PTGES3L: variants seen among roughly 807,000 people sequenced by gnomAD.
PTGES3L encodes the protein prostaglandin E synthase 3 like.
In PTGES3L, 17 loss-of-function variants were observed where a neutral mutation model predicts 25.0. That is an observed-to-expected ratio of 0.68 (90% confidence interval 0.47 to 1.02). The LOEUF (loss-of-function observed/expected upper bound fraction) is 1.02, where lower values mean the gene tolerates loss of function less well. PTGES3L is among the 50% of genes least tolerant of loss of function. The pLI, the probability that PTGES3L is intolerant of heterozygous loss-of-function variation, is 0.00. For synonymous variants in PTGES3L, 59 were observed against 65.7 expected, an observed-to-expected ratio of 0.90 and a Z score of 0.50; for missense variants, 202 against 197.5, an observed-to-expected ratio of 1.02 and a Z score of -0.14.
At chr17:42,973,213 C>A (rs1474648552) in intron 4 of PTGES3L, among the ~76,000 whole-genome samples, 2 of 146,972 alleles carry the variant, frequency 1.4e-5, no homozygotes, top group African/African-American at 2.5e-5. Flanking sequence ...GCCCCCCGCC[C>A]GGCCAGCCGC....
At chr17:42,976,482 G>A (rs1380118913) in intron 4 of PTGES3L, among the ~76,000 whole-genome samples, 4 of 151,726 alleles carry the variant, frequency 2.6e-5, no homozygotes, top group Admixed American at 2.6e-4. Context: ...AGGTTCAAGC[G>A]ATTATTCTGC....
intron 4 of PTGES3L, chr17:42,971,960 C>T (rs1352777891): frequency 6.0e-5 from 22 of 369,586 alleles, no homozygotes; most frequent in Admixed American, 2.1e-4. Flanking sequence ...AAGGCCGAGG[C>T]AGGAGGATCA....
chr17:42,974,729 C>T (rs1018948521), intron 4 of PTGES3L, among the ~76,000 whole-genome samples: 11 of 148,232 alleles, frequency 7.4e-5, no homozygotes, highest in African/African-American at 2.5e-4. Flanking sequence ...GTCGAGATCA[C>T]GCCACTGTAC....
At chr17:42,979,472 G>A (rs1172131504) in intron 2 of PTGES3L, 28 bp from the exon 3 acceptor site, 2 of 1,614,180 alleles carry the variant, frequency 1.2e-6, no homozygotes, top group Non-Finnish European at 1.7e-6. Context: ...CTGAGGAGAT[G>A]CGGAATACTC....
At chr17:42,974,584 C>A (rs2049920204) in intron 4 of PTGES3L, among the ~76,000 whole-genome samples, 1 of 151,562 alleles carries the variant, frequency 6.6e-6, no homozygotes, top group African/African-American at 2.4e-5. Context: ...ACCAGCCTGG[C>A]CAACATGGTG....
At chr17:42,972,470 TTGCAGGCACGCA>T (rs566380319) in intron 4 of PTGES3L, among the ~76,000 whole-genome samples, 136 of 151,970 alleles carry the variant, frequency 8.9e-4, no homozygotes, top group Non-Finnish European at 1.4e-3. Flanking sequence ...GTGCCTGCGA[TTGCAGGCACGCA>T]CCGCCACGCC....
chr17:42,969,200 G>GGA lies in PTGES3L; in HGVS notation c.433-16_433-15dup, dbSNP rs769001052. On this transcript the variant is annotated splice_polypyrimidine_tract_variant and intron_variant, in intron 6 of 6. Transcript: ENST00000591916. Reference sequence around the variant, plus strand: ...GTCAGAATCATCCTGGGGGCGGGGGGGAAAAAAGACAAAGCACCTGTAGAC... The same window carrying GGA: ...GTCAGAATCATCCTGGGGGCGGGGGGGAGAAAAAAGACAAAGCACCTGTAGAC... 260,503 of 1,389,888 alleles carry GGA rather than the reference G, an allele frequency of 0.19. 28,945 individuals are homozygous for GGA. The highest frequency in any genetic ancestry group is 0.28 in the Admixed American group (13,564 of 48,666). The allele number at this position is 1,389,888 out of a possible 1,614,324, so 86.1% of individuals were successfully genotyped here.
intron 4 of PTGES3L, among the ~76,000 whole-genome samples, chr17:42,975,902 C>A (rs1291138640): frequency 1.3e-5 from 2 of 152,056 alleles, no homozygotes; most frequent in Non-Finnish European, 2.9e-5. Flanking sequence ...GTCTCAAATT[C>A]CCCACCTTGT....
chr17:42,974,253 G>A (rs1233495454), intron 4 of PTGES3L, among the ~76,000 whole-genome samples: 3 of 151,486 alleles, frequency 2.0e-5, no homozygotes, highest in African/African-American at 7.3e-5. Context: ...CCAGCTACTT[G>A]GGAGGCTGAG....
intron 1 of PTGES3L, 151 bp from the exon 2 acceptor site, chr17:42,979,814 G>C: frequency 1.4e-6 from 2 of 1,413,422 alleles, no homozygotes; most frequent in Non-Finnish European, 1.9e-6. Flanking sequence ...GGAATGACAG[G>C]AGTGGGTGGG....
At chr17:42,973,717 C>T (rs1220889525) in intron 4 of PTGES3L, among the ~76,000 whole-genome samples, 3 of 149,160 alleles carry the variant, frequency 2.0e-5, no homozygotes, top group Non-Finnish European at 4.5e-5. Flanking sequence ...CTCTCTGAAA[C>T]ATGTGCTGTG....
At chr17:42,973,407 C>A (rs867039664) in intron 4 of PTGES3L, among the ~76,000 whole-genome samples, 6 of 132,828 alleles carry the variant, frequency 4.5e-5, no homozygotes, top group Non-Finnish European at 9.9e-5. Context: ...CCGCCCCGTC[C>A]GGGAGGTGAG....
chr17:42,969,952 C>T (rs1567721912), intron 6 of PTGES3L, among the ~76,000 whole-genome samples: 1 of 151,848 alleles, frequency 6.6e-6, no homozygotes, highest in Non-Finnish European at 1.5e-5. Flanking sequence ...CATGGCAAAA[C>T]CCTGTCTCTA....
At chr17:42,976,273 C>T (rs2049952438) in intron 4 of PTGES3L, among the ~76,000 whole-genome samples, 1 of 152,188 alleles carries the variant, frequency 6.6e-6, no homozygotes, top group Non-Finnish European at 1.5e-5. Flanking sequence ...CCACCTCTCT[C>T]AGCCTCCCAT....
At chr17:42,978,841 A>G (rs1452273009) in intron 4 of PTGES3L, among the ~76,000 whole-genome samples, 1 of 152,020 alleles carries the variant, frequency 6.6e-6, no homozygotes, top group Non-Finnish European at 1.5e-5. Context: ...TCTCTACTAA[A>G]AATACAAAAT....
chr17:42,976,409 C>T (rs1201022336), intron 4 of PTGES3L, among the ~76,000 whole-genome samples: 1 of 152,064 alleles, frequency 6.6e-6, no homozygotes, highest in African/African-American at 2.4e-5. Context: ...GACGTTGTCT[C>T]GCTCTGTCGC....
At chr17:42,979,134 T>C (rs2050022147) in intron 4 of PTGES3L, 36 bp downstream of exon 4, 1 of 1,611,504 alleles carries the variant, frequency 6.2e-7, no homozygotes, top group East Asian at 2.2e-5. Flanking sequence ...CCTGGGTACA[T>C]GGAGAGAAGA....
intron 4 of PTGES3L, among the ~76,000 whole-genome samples, chr17:42,977,392 C>T (rs576454936): frequency 6.7e-6 from 1 of 148,852 alleles, no homozygotes; most frequent in Non-Finnish European, 1.5e-5. Context: ...CGCCACTGCA[C>T]TCCAGCCTGG....
At position 42,971,597 on chromosome 17, in the gene PTGES3L, T is replaced by C. The variant is rs769107293; in HGVS notation, c.378+10A>G. 35 of 1,613,560 alleles carry C rather than the reference T, an allele frequency of 2.2e-5. No homozygotes were observed. The highest frequency in any genetic ancestry group is 3.0e-5 in the Non-Finnish European group (35 of 1,179,594). On this transcript the variant is annotated intron_variant, in intron 5 of 6. Transcript: ENST00000591916. The stretch of plus-strand genomic sequence containing the variant: ...CAAGTGGGCAGAACACAGTAGGTGT[T>C]GTCTCTCACCTCTGCATAATGTTCC...
Sources: gnomAD v4.1 joint callset for allele counts (sites outside exome capture counted in the v4.1 genomes callset) on GRCh38, gnomAD v4.1.1 for gene constraint, MANE v1.5 for transcripts, NCBI Gene and HGNC (gene_info 2026-07-23, HGNC 2026-07-21) for gene names.